FGF2: variants seen among roughly 807,000 people sequenced by gnomAD.
FGF2 encodes the protein fibroblast growth factor 2.
Under a neutral mutation model 15.9 loss-of-function variants are expected in FGF2, and 13 were observed. That is an observed-to-expected ratio of 0.82 (90% CI 0.53 to 1.30). The LOEUF is 1.30. FGF2 is among the 50% of genes most tolerant of loss of function. The probability of loss-of-function intolerance (pLI) is 0.00; values close to 1 mark genes in which losing one functional copy is unlikely to be tolerated. For missense variants in FGF2, 163 were observed against 196.9 expected, an observed-to-expected ratio of 0.83 and a Z score of 1.03; for synonymous variants, 90 against 78.4, an observed-to-expected ratio of 1.15 and a Z score of -0.78.
chr4:122,830,268 A>T (rs1725734169), intron 1 of FGF2, among the ~76,000 whole-genome samples: 2 of 152,196 alleles, frequency 1.3e-5, no homozygotes, highest in Admixed American at 1.3e-4. Flanking sequence ...GAAGACTGTG[A>T]TATAAATGAT....
At position 122,876,313 on chromosome 4, in the gene FGF2, C is replaced by G; in HGVS notation, c.179-8C>G. ...GTGCTACAAAGATAATTTTTTTTCC[C>G]GTTACAGTCAAGCTACAACTTCAAG... On this transcript the variant is annotated splice_polypyrimidine_tract_variant and splice_region_variant and intron_variant, in intron 1 of 2. Transcript: ENST00000644866. 2 of 1,571,448 alleles carry G rather than the reference C, an allele frequency of 1.3e-6. No homozygotes were observed. Among genetic ancestry groups the G allele is most frequent in the Non-Finnish European group, 1.8e-6 (2 of 1,141,416 alleles).
At chr4:122,838,332 G>A (rs931787584) in intron 1 of FGF2, among the ~76,000 whole-genome samples, 3 of 152,136 alleles carry the variant, frequency 2.0e-5, no homozygotes, top group African/African-American at 7.2e-5. Flanking sequence ...TATGTTCCTA[G>A]GACCCTGATA....
Position 122,827,366 on chromosome 4 carries a change from C to G in FGF2, c.178+14C>G, listed in dbSNP as rs370687386. The G allele has an allele frequency of 4.0e-5, 65 of 1,612,306 alleles. No homozygotes were observed. Among genetic ancestry groups the G allele is most frequent in the Non-Finnish European group, 4.2e-5 (50 of 1,179,668 alleles). On this transcript the variant is annotated intron_variant, in intron 1 of 2. Coordinates refer to ENST00000644866, the MANE Select transcript of FGF2 (RefSeq NM_001361665.2). This position sits in a 1 kb window ranked among gnomAD's most constrained non-coding sequence, Gnocchi z 4.2. Reference sequence around the variant, plus strand: ...GCGACCCTCACAGTGAGTGCCGACCCGCTCTCTCCGCCTCATTTCCATTTC... The same window carrying G: ...GCGACCCTCACAGTGAGTGCCGACCGGCTCTCTCCGCCTCATTTCCATTTC...
At position 122,827,361 on chromosome 4, in the gene FGF2, C is replaced by G; in HGVS notation, c.178+9C>G. 1.9e-6 allele frequency: 3 copies of G among 1,612,628 alleles called. No homozygotes were observed. The highest frequency in any genetic ancestry group is 2.5e-6 in the Non-Finnish European group (3 of 1,179,752). ...GAAGAGCGACCCTCACAGTGAGTGCCGACCCGCTCTCTCCGCCTCATTTCC... is the reference window on the plus strand; with the variant it reads ...GAAGAGCGACCCTCACAGTGAGTGCGGACCCGCTCTCTCCGCCTCATTTCC... On this transcript the variant is annotated intron_variant, in intron 1 of 2. Transcript: ENST00000644866. This position sits in a 1 kb window ranked among gnomAD's most constrained non-coding sequence, Gnocchi z 4.2.
At chr4:122,874,754 A>G (rs1726806014) in intron 1 of FGF2, among the ~76,000 whole-genome samples, 1 of 152,120 alleles carries the variant, frequency 6.6e-6, no homozygotes, top group Non-Finnish European at 1.5e-5. Flanking sequence ...TTACTATGAC[A>G]TAATGATATC....
chr4:122,842,406 A>G (rs1444715986), intron 1 of FGF2, among the ~76,000 whole-genome samples: 1 of 152,244 alleles, frequency 6.6e-6, no homozygotes, highest in Non-Finnish European at 1.5e-5. Context: ...CAGTATCACT[A>G]GAAACACTAA....
rs1053003251 is a variant in FGF2, at chr4:122,859,407, A to T, written c.179-16914A>T. 3.3e-5 allele frequency among the ~76,000 whole-genome samples: 5 copies of T among 152,208 alleles called. No homozygotes were observed. The South Asian group carries it at 1.0e-3, about 32-fold the overall frequency. ...ATAAAATAAAACTAAAAATTTATTT[A>T]TTCTGTAGGTAAAGAACTGGGCTCG... is the stretch of plus-strand genomic sequence containing the variant. On this transcript the variant is annotated intron_variant, in intron 1 of 2. Coordinates refer to ENST00000644866, the MANE Select transcript of FGF2 (RefSeq NM_001361665.2).
At chr4:122,885,912 C>T (rs1468764991) in intron 2 of FGF2, among the ~76,000 whole-genome samples, 39 of 111,926 alleles carry the variant, frequency 3.5e-4, no homozygotes, top group African/African-American at 5.3e-4. Context: ...TTTTTTTTTT[C>T]CTTTTTTTTT....
intron 1 of FGF2, among the ~76,000 whole-genome samples, chr4:122,833,876 T>G (rs1725814207): frequency 6.6e-6 from 1 of 152,216 alleles, no homozygotes; most frequent in South Asian, 2.1e-4. Flanking sequence ...TGGCTATTAG[T>G]TTTTCTTAGA....
At chr4:122,860,535 A>G (rs1221400980) in intron 1 of FGF2, among the ~76,000 whole-genome samples, 1 of 142,714 alleles carries the variant, frequency 7.0e-6, no homozygotes, top group African/African-American at 2.5e-5. Flanking sequence ...GTTCACTGCA[A>G]CCTCCACCCA....
chr4:122,830,241 T>G (rs1725733533), intron 1 of FGF2, among the ~76,000 whole-genome samples: 1 of 152,076 alleles, frequency 6.6e-6, no homozygotes, highest in Admixed American at 6.6e-5. Flanking sequence ...GGACTGGAGT[T>G]TGGGGAGGGA....
At chr4:122,880,688 A>G (rs528214512) in intron 2 of FGF2, among the ~76,000 whole-genome samples, 1 of 152,272 alleles carries the variant, frequency 6.6e-6, no homozygotes, top group South Asian at 2.1e-4. Flanking sequence ...CCTCCCTCTC[A>G]GCTGCCTTCA....
intron 1 of FGF2, among the ~76,000 whole-genome samples, chr4:122,860,554 C>G (rs534339803): frequency 1.3e-3 from 192 of 150,828 alleles, no homozygotes; most frequent in African/African-American, 4.1e-3. Context: ...CACCCAGGCT[C>G]CAGTGATTCT....
At position 122,897,835 on chromosome 4, in the gene FGF2, C is replaced by T. The variant is rs565714132; in HGVS notation, c.*5439C>T. ...TTTCTAGCTTCCATCCTTTCTCCCT[C>T]GTTTCTTCTTTTTTTGGGGGAGCTG... On this transcript the variant is annotated 3_prime_UTR_variant, in exon 3 of 3. Coordinates refer to ENST00000644866, the MANE Select transcript of FGF2 (RefSeq NM_001361665.2). The T allele has an allele frequency of 1.2e-4, 74 of 599,822 alleles. No individual in the cohort carries two copies. The highest frequency in any genetic ancestry group is 4.3e-4 in the Middle Eastern group (1 of 2,316). The allele number at this position is 599,822 out of a possible 1,614,324, so 37.2% of individuals were successfully genotyped here. A position where few individuals can be genotyped will look rare whatever the true frequency, so the allele number is the denominator to read the frequency against.
chr4:122,884,841 C>T (rs1342238427), intron 2 of FGF2: 1 of 152,318 alleles, frequency 6.6e-6, no homozygotes, highest in Non-Finnish European at 1.5e-5. Context: ...GTGAGGAGAA[C>T]TTGGCTCATG....
chr4:122,866,594 A>G (rs1726598498), intron 1 of FGF2, among the ~76,000 whole-genome samples: 1 of 152,234 alleles, frequency 6.6e-6, no homozygotes, highest in South Asian at 2.1e-4. Flanking sequence ...GCTCAACATT[A>G]TTACCCATCG....
rs192660532 is a variant in FGF2 at position 122,896,177 on chromosome 4, A to G, written c.*3781A>G. 2.0e-5 allele frequency: 3 copies of G among 147,586 alleles called. No individual in the cohort carries two copies. Among genetic ancestry groups the G allele is most frequent in the African/African-American group, 7.5e-5 (3 of 39,982 alleles). 9.1% of individuals were successfully genotyped at this position (147,586 alleles called of 1,614,324 possible). A position where few individuals can be genotyped will look rare whatever the true frequency, so the allele number is the denominator to read the frequency against. On this transcript the variant is annotated 3_prime_UTR_variant, in exon 3 of 3. Transcript: ENST00000644866. ...TAGGTGAGTTGTTGTGACAACCACA[A>G]GCACTTTTTTTTTTTTTAAAGAAAA...
chr4:122,835,284 C>T (rs1725841832), intron 1 of FGF2, among the ~76,000 whole-genome samples: 1 of 152,154 alleles, frequency 6.6e-6, no homozygotes, highest in South Asian at 2.1e-4. Flanking sequence ...TGGAAGAACT[C>T]CTCAGGCGGT....
chr4:122,838,019 A>ACG (rs1725900440), intron 1 of FGF2, among the ~76,000 whole-genome samples: 1 of 152,238 alleles, frequency 6.6e-6, no homozygotes, highest in South Asian at 2.1e-4. Flanking sequence ...ATGGGAGTAT[A>ACG]ATTGAAGTGA....
Sources: allele counts gnomAD v4.1 joint callset (sites outside exome capture counted in the v4.1 genomes callset), GRCh38; gene constraint gnomAD v4.1.1; non-coding constraint Gnocchi (gnomAD v3.1); transcripts MANE v1.5; gene names NCBI Gene and HGNC (gene_info 2026-07-23, HGNC 2026-07-21).